CYFIP1: variants seen among roughly 807,000 people sequenced by gnomAD.
CYFIP1 encodes cytoplasmic FMR1 interacting protein 1, also known as cytoplasmic FMR1-interacting protein 1.
In CYFIP1, 58 loss-of-function variants were observed where a neutral mutation model predicts 163.5. That is an observed-to-expected ratio of 0.35 (90% confidence interval 0.29 to 0.44). The LOEUF is 0.44. Ranked by LOEUF, CYFIP1 falls within the 20% of genes least tolerant of loss-of-function variation. The probability of loss-of-function intolerance (pLI) is 1.00; values close to 1 mark genes in which losing one functional copy is unlikely to be tolerated. For synonymous variants in CYFIP1, 663 were observed against 660.7 expected, an observed-to-expected ratio of 1.00 and a Z score of -0.05; for missense variants, 1,338 against 1,653.8, an observed-to-expected ratio of 0.81 and a Z score of 3.31.
intron 1 of CYFIP1, among the ~76,000 whole-genome samples, chr15:22,973,610 CAT>C (rs537866502): frequency 7.8e-4 from 118 of 152,254 alleles, no homozygotes; most frequent in Non-Finnish European, 1.1e-3. Flanking sequence ...TCAGATTCCA[CAT>C]GTGAGTGAGA....
chr15:22,870,247 C>G, intron 30 of CYFIP1, 55 bp from the exon 31 acceptor site: 1 of 1,517,396 alleles, frequency 6.6e-7, no homozygotes, highest in Non-Finnish European at 8.9e-7. Flanking sequence ...ATTTATTCTT[C>G]ATGTTTCAAA....
chr15:22,892,486 G>A (rs942453354), intron 23 of CYFIP1, among the ~76,000 whole-genome samples: 1 of 152,096 alleles, frequency 6.6e-6, no homozygotes, highest in Non-Finnish European at 1.5e-5. Context: ...CTCCGGTCAG[G>A]CCTTACAGCC....
intron 13 of CYFIP1, among the ~76,000 whole-genome samples, chr15:22,924,305 T>C (rs1049765773): frequency 5.3e-5 from 8 of 152,090 alleles, no homozygotes; most frequent in Admixed American, 6.5e-5. Flanking sequence ...GTGCCTGTAA[T>C]CCCAGCTACT....
intron 30 of CYFIP1, among the ~76,000 whole-genome samples, chr15:22,872,296 A>G (rs1469662163): frequency 6.9e-6 from 1 of 145,424 alleles, no homozygotes; most frequent in Non-Finnish European, 1.5e-5. Context: ...ACTGTCTCAA[A>G]AAAAAAAAAA....
chr15:22,936,789 A>G (rs1335835038), intron 9 of CYFIP1, among the ~76,000 whole-genome samples: 1 of 152,170 alleles, frequency 6.6e-6, no homozygotes, highest in Non-Finnish European at 1.5e-5. Context: ...CCACAACCGA[A>G]AGCTACAAGC....
intron 30 of CYFIP1, among the ~76,000 whole-genome samples, chr15:22,870,556 C>T (rs2059405907): frequency 6.6e-6 from 1 of 152,024 alleles, no homozygotes; most frequent in Admixed American, 6.5e-5. Flanking sequence ...AAGCAATCCT[C>T]CTCTGCCTCA....
At chr15:22,947,336 G>C (rs1486176784) in intron 1 of CYFIP1, 45 bp from the exon 2 acceptor site, 3 of 1,593,190 alleles carry the variant, frequency 1.9e-6, no homozygotes, top group Non-Finnish European at 2.6e-6. Context: ...GAGAAGGAGG[G>C]GACACCCAAC....
chr15:22,930,211 C>CAAA lies in CYFIP1; in HGVS notation c.1110+2009_1110+2011dup, dbSNP rs1555412881. On this transcript the variant is annotated intron_variant, in intron 11 of 30. Transcript: ENST00000617928. ...TAAAAAAACACACAAAAAACACACA[C>CAAA]AAAAAAAAACACAAAAAAACACACA... Among the ~76,000 whole-genome samples the CAAA allele has an allele frequency of 1.9e-3, 287 of 149,192 alleles. 4 individuals carry two copies. The highest frequency in any genetic ancestry group is 6.9e-3 in the Middle Eastern group (2 of 288).
intron 26 of CYFIP1, among the ~76,000 whole-genome samples, 170 bp downstream of exon 26, chr15:22,879,743 G>A (rs2059695142): frequency 6.6e-6 from 1 of 150,672 alleles, no homozygotes; most frequent in Non-Finnish European, 1.5e-5. Context: ...TTTTTCAATT[G>A]AAGGGAACAA....
At chr15:22,873,059 A>G in intron 29 of CYFIP1, 87 bp from the exon 30 acceptor site, 1 of 1,431,858 alleles carries the variant, frequency 7.0e-7, no homozygotes, top group Non-Finnish European at 9.7e-7. Flanking sequence ...TCAGTGACCA[A>G]GCCATCTGCA....
chr15:22,902,159 G>A (rs1047923542), intron 22 of CYFIP1, among the ~76,000 whole-genome samples: 2 of 152,336 alleles, frequency 1.3e-5, no homozygotes, highest in Non-Finnish European at 2.9e-5. Flanking sequence ...CCTGTGTCCA[G>A]GGTCCCCCAT....
intron 1 of CYFIP1, among the ~76,000 whole-genome samples, chr15:22,971,870 C>CA (rs763028068): frequency 2.4e-4 from 37 of 151,680 alleles, no homozygotes; most frequent in East Asian, 1.4e-3. Context: ...TAACTCATCT[C>CA]AAAAAATAAA....
At chr15:22,872,589 CTG>C in intron 30 of CYFIP1, 1 of 487,226 alleles carries the variant, frequency 2.1e-6, no homozygotes, top group Non-Finnish European at 3.7e-6. Flanking sequence ...TCCTGTAAGA[CTG>C]GAAGTAAATC....
intron 26 of CYFIP1, 91 bp downstream of exon 26, chr15:22,879,822 A>G (rs1347967708): frequency 5.0e-6 from 5 of 1,004,254 alleles, no homozygotes; most frequent in Non-Finnish European, 7.3e-6. Context: ...CACCCCCACT[A>G]AAGAACCCGC....
intron 3 of CYFIP1, among the ~76,000 whole-genome samples, chr15:22,945,610 G>A (rs1408403721): frequency 6.9e-6 from 1 of 144,152 alleles, no homozygotes; most frequent in Non-Finnish European, 1.5e-5. Flanking sequence ...GTCTTGCTCT[G>A]TCCCCCAGGC....
At chr15:22,924,151 C>T (rs1162152473) in intron 13 of CYFIP1, among the ~76,000 whole-genome samples, 1 of 152,070 alleles carries the variant, frequency 6.6e-6, no homozygotes, top group Non-Finnish European at 1.5e-5. Context: ...TGGCCTGGCA[C>T]GGTAGCTCAC....
chr15:22,976,200 C>T (rs1422885075), intron 1 of CYFIP1, among the ~76,000 whole-genome samples: 1 of 152,016 alleles, frequency 6.6e-6, no homozygotes, highest in African/African-American at 2.4e-5. Context: ...CTCTGTTGCC[C>T]AGGCTGGACT....
In CYFIP1 at chr15:22,927,977, G is replaced by A. The variant is rs940009292; in HGVS notation, c.1162C>T (p.Arg388Cys). Residue 388 changes from arginine (R) to cysteine (C), a missense_variant, in exon 12 of 31, where the codon CGC (arginine) becomes TGC (cysteine). This residue lies in a region of CYFIP1 where 824 missense variants were observed against 995.7 expected (regional missense o/e 0.83). Transcript: ENST00000617928. The part of the protein sequence containing the change: ...QEAQKTDAEY[R>C]KLFDLALQGL... Reference sequence around the variant, plus strand: ...TGCAGCGCCAGGTCGAAGAGCTTGCGGTACTCCGCGTCCGTCTTCTGGGCC... The same window carrying A: ...TGCAGCGCCAGGTCGAAGAGCTTGCAGTACTCCGCGTCCGTCTTCTGGGCC... 6 of 1,601,074 alleles carry A rather than the reference G, an allele frequency of 3.7e-6. No individual in the cohort carries two copies. Among genetic ancestry groups the A allele is most frequent in the Admixed American group, 1.7e-5 (1 of 57,324 alleles).
At chr15:22,880,212 C>A (rs1024037418) in intron 25 of CYFIP1, among the ~76,000 whole-genome samples, 169 bp from the exon 26 acceptor site, 2 of 152,206 alleles carry the variant, frequency 1.3e-5, no homozygotes, top group African/African-American at 4.8e-5. Flanking sequence ...GTGGTTTATT[C>A]GCCACCTGGG....
Sources: gnomAD v4.1 joint callset for allele counts (sites outside exome capture counted in the v4.1 genomes callset) on GRCh38, gnomAD v4.1.1 for gene constraint, gnomAD v4.1.1 regional missense constraint, MANE v1.5 for transcripts, NCBI Gene and HGNC (gene_info 2026-07-23, HGNC 2026-07-21) for gene names.